Variants in RBPJ observed in about 807,000 individuals in gnomAD.
RBPJ encodes recombining binding protein suppressor of hairless.
A neutral mutation model predicts 67.8 loss-of-function variants in RBPJ; 9 were observed. The observed-to-expected ratio is 0.13, with a 90% CI of 0.08 to 0.23. RBPJ has a LOEUF of 0.23. Among genes scored for constraint, RBPJ ranks in the 10% least tolerant of loss-of-function variants. RBPJ has a pLI of 1.00. For synonymous variants in RBPJ, 198 were observed against 203.3 expected, an observed-to-expected ratio of 0.97 and a Z score of 0.22; for missense variants, 305 against 595.6, an observed-to-expected ratio of 0.51 and a Z score of 5.08.
At position 26,337,043 on chromosome 4, in the gene RBPJ, C is replaced by T. The variant is rs1724915556; in HGVS notation, c.20+15995C>T. On this transcript the variant is annotated intron_variant, in intron 1 of 10. Coordinates refer to ENST00000355476, the MANE Select transcript of RBPJ (RefSeq NM_015874.6). The stretch of plus-strand genomic sequence containing the variant: ...CATGGGCGATCTCTGCTCACTGCAT[C>T]CTCCGTCTCCCGGGTTCAAGCGATT... Among the ~76,000 whole-genome samples, 4 of 152,138 alleles carry T rather than the reference C, an allele frequency of 2.6e-5. No individual in the cohort carries two copies. In the South Asian group the frequency reaches 8.3e-4, roughly 31 times the overall value.
At chr4:26,353,672 G>C (rs1185805435) in intron 1 of RBPJ, among the ~76,000 whole-genome samples, 1 of 148,752 alleles carries the variant, frequency 6.7e-6, no homozygotes, top group Non-Finnish European at 1.5e-5. Context: ...GTAGTGGTGC[G>C]ATCTTGGCTC....
intron 4 of RBPJ, among the ~76,000 whole-genome samples, chr4:26,420,171 T>TTA (rs1491505723): frequency 6.0e-5 from 2 of 33,202 alleles, no homozygotes; most frequent in Non-Finnish European, 1.6e-4. Flanking sequence ...TTTATTATTA[T>TTA]TTTTTTTTTG....
intron 1 of RBPJ, among the ~76,000 whole-genome samples, chr4:26,225,468 G>T (rs1719046070): frequency 6.6e-6 from 1 of 152,174 alleles, no homozygotes; most frequent in Non-Finnish European, 1.5e-5. Context: ...GGATGAACAG[G>T]CAGAGCACAG....
intron 1 of RBPJ, among the ~76,000 whole-genome samples, chr4:26,185,750 C>A (rs1238253137): frequency 6.6e-6 from 1 of 152,116 alleles, no homozygotes; most frequent in Non-Finnish European, 1.5e-5. Flanking sequence ...GTAAGCCAGG[C>A]AAAGGTTGGA....
intron 1 of RBPJ, among the ~76,000 whole-genome samples, chr4:26,361,276 C>G (rs550661147): frequency 6.6e-6 from 1 of 152,290 alleles, no homozygotes; most frequent in South Asian, 2.1e-4. Context: ...ATATATAATT[C>G]TGTCGCCATT....
intron 1 of RBPJ, among the ~76,000 whole-genome samples, chr4:26,175,399 G>C (rs1279951344): frequency 6.6e-6 from 1 of 152,110 alleles, no homozygotes; most frequent in Non-Finnish European, 1.5e-5. Flanking sequence ...TTGAGTCTGG[G>C]GGAGGCAGCA....
At chr4:26,369,448 A>G (rs1222923126) in intron 1 of RBPJ, among the ~76,000 whole-genome samples, 1 of 152,206 alleles carries the variant, frequency 6.6e-6, no homozygotes, top group Non-Finnish European at 1.5e-5. Context: ...ACAGAGACGG[A>G]AGCTCTAGAA....
intron 1 of RBPJ, among the ~76,000 whole-genome samples, chr4:26,242,056 A>C (rs1031569107): frequency 1.3e-5 from 2 of 151,948 alleles, no homozygotes; most frequent in Non-Finnish European, 2.9e-5. Flanking sequence ...TTTCTTGTCC[A>C]GCCTTTTTCT....
chr4:26,216,338 T>C (rs896716270), intron 1 of RBPJ, among the ~76,000 whole-genome samples: 12 of 152,202 alleles, frequency 7.9e-5, no homozygotes, highest in African/African-American at 2.9e-4. Flanking sequence ...CTACAAGTAA[T>C]GAATGAGAGA....
Position 26,313,007 on chromosome 4 carries a change from C to A in RBPJ, c.-166-49439C>A, listed in dbSNP as rs111296735. Among the ~76,000 whole-genome samples, 184 of 152,338 alleles carry A rather than the reference C, an allele frequency of 1.2e-3. 1 individual carries two copies. Among genetic ancestry groups the A allele is most frequent in the African/African-American group, 4.3e-3 (178 of 41,580 alleles). ...GTGCAATCACAGCTCATTGCAGCCT[C>A]AACTTCAGGGTCTCAAGTGATCCTC... is the stretch of plus-strand genomic sequence containing the variant. On this transcript the variant is annotated intron_variant, in intron 1 of 4. Transcript: ENST00000512351.
At chr4:26,180,476 G>T (rs905849353) in intron 1 of RBPJ, among the ~76,000 whole-genome samples, 2 of 152,190 alleles carry the variant, frequency 1.3e-5, no homozygotes, top group Non-Finnish European at 2.9e-5. Flanking sequence ...CTAAGATCAA[G>T]ATGTCGGCAG....
At chr4:26,320,183 T>C (rs990711299), upstream of RBPJ, among the ~76,000 whole-genome samples, 6 of 152,174 alleles carry the variant, frequency 3.9e-5, no homozygotes, top group South Asian at 2.1e-4. Context: ...GGTGGGAGAA[T>C]GTGGCTCTCA....
the RBPJ span, among the ~76,000 whole-genome samples, chr4:26,124,279 C>A: frequency 1.3e-5 from 2 of 151,660 alleles, no homozygotes; most frequent in Non-Finnish European, 2.9e-5. Flanking sequence ...GCTTAGCTCC[C>A]ACTTATGAGT....
intron 2 of RBPJ, among the ~76,000 whole-genome samples, chr4:26,388,033 A>G (rs1263381444): frequency 6.6e-6 from 1 of 152,232 alleles, no homozygotes; most frequent in African/African-American, 2.4e-5. Context: ...CAGAAAGGCA[A>G]AATCAAAATA....
chr4:26,316,206 C>T (rs1458375300), upstream of RBPJ, among the ~76,000 whole-genome samples: 3 of 150,764 alleles, frequency 2.0e-5, no homozygotes, highest in Non-Finnish European at 4.4e-5. Flanking sequence ...TGCAGTGGCT[C>T]CAACCAGTCT....
intron 8 of RBPJ, among the ~76,000 whole-genome samples, 161 bp from the exon 9 acceptor site, chr4:26,429,736 GT>G (rs1183537660): frequency 2.6e-5 from 4 of 152,156 alleles, no homozygotes; most frequent in South Asian, 2.1e-4. Context: ...TTCTGTTTGT[GT>G]TTATGTAGGG....
At position 26,199,553 on chromosome 4, in the gene RBPJ, A is replaced by G. The variant is rs1717907767; in HGVS notation, c.-167+35939A>G. Among the ~76,000 whole-genome samples, 4 of 152,324 alleles carry G rather than the reference A, an allele frequency of 2.6e-5. No individual in the cohort carries two copies. The South Asian group carries it at 8.3e-4, about 32-fold the overall frequency. ...AATTCTTCGAGGTCAGTAGAAACTAAAAGTCTAGATTGAGCCTGGAGTGGC... is the reference window on the plus strand; with the variant it reads ...AATTCTTCGAGGTCAGTAGAAACTAGAAGTCTAGATTGAGCCTGGAGTGGC... On this transcript the variant is annotated intron_variant, in intron 1 of 4. Coordinates refer to the RBPJ transcript ENST00000512351.
intron 1 of RBPJ, among the ~76,000 whole-genome samples, chr4:26,300,638 C>T (rs777182130): frequency 9.9e-5 from 15 of 152,176 alleles, no homozygotes; most frequent in Non-Finnish European, 1.8e-4. Context: ...TCTGGCATAA[C>T]CTTTATCATT....
At chr4:26,336,979 G>T (rs1724906581) in intron 1 of RBPJ, among the ~76,000 whole-genome samples, 1 of 152,024 alleles carries the variant, frequency 6.6e-6, no homozygotes, top group African/African-American at 2.4e-5. Flanking sequence ...TTTTTTGTTT[G>T]TTTGTTTGTT....
Sources: gnomAD v4.1 joint callset for allele counts (sites outside exome capture counted in the v4.1 genomes callset) on GRCh38, gnomAD v4.1.1 for gene constraint, MANE v1.5 for transcripts, NCBI Gene and HGNC (gene_info 2026-07-23, HGNC 2026-07-21) for gene names.